The following ZC3H12A variants were observed in gnomAD, a reference collection of about 807,000 sequenced individuals.
The protein encoded by ZC3H12A is zinc finger CCCH-type containing 12A, also known as endoribonuclease ZC3H12A.
In ZC3H12A, 9 loss-of-function variants were observed where a neutral mutation model predicts 29.9. That is an observed-to-expected ratio of 0.30 (90% CI 0.18 to 0.53). ZC3H12A has a LOEUF of 0.53. Ranked by LOEUF, ZC3H12A falls within the 20% of genes least tolerant of loss-of-function variation. The pLI is 0.96. For synonymous variants in ZC3H12A, 323 were observed against 338.1 expected (o/e 0.96, Z 0.49); for missense variants, 617 against 799.0 (o/e 0.77, Z 2.75).
Position 37,483,723 on chromosome 1 carries a change from CAGAG to C in ZC3H12A, c.*113_*116del. 1 of 1,351,332 alleles carries C rather than the reference CAGAG, an allele frequency of 7.4e-7. No homozygotes were observed. 83.7% of individuals were successfully genotyped at this position (1,351,332 alleles called of 1,614,324 possible). ...CCTGAGGCCCACCCCAGAGGCTGGA[CAGAG>C]GGAGGATTCAAGTCGGGAAGGAAAC... On this transcript the variant is annotated 3_prime_UTR_variant, in exon 6 of 6. Coordinates refer to ENST00000373087, the MANE Select transcript of ZC3H12A (RefSeq NM_025079.3).
rs1641592785 is a variant in ZC3H12A, at chr1:37,476,417, G to A, written c.443+478G>A. On this transcript the variant is annotated intron_variant, in intron 2 of 5. Transcript: ENST00000373087. The surrounding 1 kb of genome is among the most constrained non-coding windows in gnomAD (Gnocchi z 6.0). ...GTTATTTCAGGGGCTGGGCTTCTGAGGCCTTCTTGTCTCAGACCTGGGCTC... is the reference window on the plus strand; with the variant it reads ...GTTATTTCAGGGGCTGGGCTTCTGAAGCCTTCTTGTCTCAGACCTGGGCTC... 6.6e-6 allele frequency among the ~76,000 whole-genome samples: 1 copy of A among 152,216 alleles called. No homozygotes were observed. The highest frequency in any genetic ancestry group is 1.9e-4 in the East Asian group (1 of 5,194).
At position 37,476,426 on chromosome 1, in the gene ZC3H12A, G is replaced by T. The variant is rs536006551; in HGVS notation, c.443+487G>T. On this transcript the variant is annotated intron_variant, in intron 2 of 5. Coordinates refer to ENST00000373087, the MANE Select transcript of ZC3H12A (RefSeq NM_025079.3). The surrounding 1 kb of genome is among the most constrained non-coding windows in gnomAD (Gnocchi z 6.0). ...GGGGCTGGGCTTCTGAGGCCTTCTT[G>T]TCTCAGACCTGGGCTCCCACGAAAA... Among the ~76,000 whole-genome samples, 78 of 152,300 alleles carry T rather than the reference G, an allele frequency of 5.1e-4. No individual in the cohort carries two copies. Among genetic ancestry groups the T allele is most frequent in the African/African-American group, 1.8e-3 (75 of 41,538 alleles).
chr1:37,475,663 G>A lies in ZC3H12A; in HGVS notation c.167G>A (p.Arg56Gln), dbSNP rs1286431905. ...LELQMKVDFF[R>Q]KLGYSSTEIH... ...CTGCAGATGAAGGTGGACTTCTTCC[G>A]GAAGCTGGGCTATTCATCCACGGAG... The change falls in exon 2 of 6, where the codon CGG becomes CAG. Residue 56 changes from arginine to glutamine, a missense_variant. Around this residue, in one of 5 missense-constraint regions of ZC3H12A, gnomAD observed 255 missense variants for 402.5 expected, o/e 0.63. Transcript: ENST00000373087. The surrounding 1 kb of genome is among the most constrained non-coding windows in gnomAD (Gnocchi z 5.2). The A allele has an allele frequency of 3.7e-6, 6 of 1,614,024 alleles. No individual in the cohort carries two copies. Among genetic ancestry groups the A allele is most frequent in the Non-Finnish European group, 5.1e-6 (6 of 1,180,048 alleles).
Position 37,483,720 on chromosome 1 carries a change from G to C in ZC3H12A, c.*109G>C. On this transcript the variant is annotated 3_prime_UTR_variant, in exon 6 of 6. Coordinates refer to ENST00000373087, the MANE Select transcript of ZC3H12A (RefSeq NM_025079.3). ...AGCCCTGAGGCCCACCCCAGAGGCT[G>C]GACAGAGGGAGGATTCAAGTCGGGA... is the stretch of plus-strand genomic sequence containing the variant. The C allele has an allele frequency of 7.3e-7, 1 of 1,365,642 alleles. No homozygotes were observed. The highest frequency in any genetic ancestry group is 9.7e-7 in the Non-Finnish European group (1 of 1,029,398). 84.6% of individuals were successfully genotyped at this position (1,365,642 alleles called of 1,614,324 possible). A position where few individuals can be genotyped will look rare whatever the true frequency, so the allele number is the denominator to read the frequency against.
At chr1:37,482,587 T>C in intron 5 of ZC3H12A, 47 bp downstream of exon 5, 1 of 1,609,892 alleles carries the variant, frequency 6.2e-7, no homozygotes, top group Non-Finnish European at 8.5e-7. Flanking sequence ...CTCCTGCCCT[T>C]CCTCTCACCT....
At chr1:37,481,979 G>A (rs1335858010) in intron 4 of ZC3H12A, 144 bp downstream of exon 4, 4 of 771,444 alleles carry the variant, frequency 5.2e-6, no homozygotes, top group Admixed American at 4.7e-5. Context: ...AGGCAGCTTT[G>A]AGAGTGAGAC....
chr1:37,476,075 G>GA lies in ZC3H12A; in HGVS notation c.443+137dup. 1 of 977,116 alleles carries GA rather than the reference G, an allele frequency of 1.0e-6. No individual in the cohort carries two copies. The highest frequency in any genetic ancestry group is 1.6e-5 in the African/African-American group (1 of 61,082). The allele number at this position is 977,116 out of a possible 1,614,324, so 60.5% of individuals were successfully genotyped here. A position where few individuals can be genotyped will look rare whatever the true frequency, so the allele number is the denominator to read the frequency against. On this transcript the variant is annotated intron_variant, in intron 2 of 5. Transcript: ENST00000373087. This position sits in a 1 kb window ranked among gnomAD's most constrained non-coding sequence, Gnocchi z 6.0. ...TCCTTCTTAGGGACTGGTCTAGAGG[G>GA]AGGGAAAGCCTTTTATGAGGCTAGG...
rs975727086 is a variant in ZC3H12A at position 37,479,299 on chromosome 1, G to A, written c.444-991G>A. On this transcript the variant is annotated intron_variant, in intron 2 of 5. Transcript: ENST00000373087. This position sits in a 1 kb window ranked among gnomAD's most constrained non-coding sequence, Gnocchi z 4.5. Reference sequence around the variant, plus strand: ...TACTTTGCAGGGCCATCTTTGGCCTGAAGCCACCAGGAAAGCTGTCCCACT... The same window carrying A: ...TACTTTGCAGGGCCATCTTTGGCCTAAAGCCACCAGGAAAGCTGTCCCACT... 3 of 985,380 alleles carry A rather than the reference G, an allele frequency of 3.0e-6. No individual in the cohort carries two copies. The South Asian group carries it at 1.4e-4, about 46-fold the overall frequency. 61.0% of individuals were successfully genotyped at this position (985,380 alleles called of 1,614,324 possible).
intron 4 of ZC3H12A, 43 bp from the exon 5 acceptor site, chr1:37,482,391 T>C (rs1464346102): frequency 1.9e-6 from 3 of 1,544,356 alleles, no homozygotes; most frequent in African/African-American, 1.4e-5. Context: ...TAGAAGTCCC[T>C]GCATGGCTCC....
chr1:37,480,648 A>C (rs1343401827), intron 3 of ZC3H12A, among the ~76,000 whole-genome samples: 2 of 152,212 alleles, frequency 1.3e-5, no homozygotes, highest in African/African-American at 4.8e-5. Flanking sequence ...CCCCTCCCTC[A>C]TCCTACTGGT....
At position 37,479,519 on chromosome 1, in the gene ZC3H12A, C is replaced by T. The variant is rs1287300729; in HGVS notation, c.444-771C>T. On this transcript the variant is annotated intron_variant, in intron 2 of 5. Coordinates refer to ENST00000373087, the MANE Select transcript of ZC3H12A (RefSeq NM_025079.3). The surrounding 1 kb of genome is among the most constrained non-coding windows in gnomAD (Gnocchi z 4.5). The stretch of plus-strand genomic sequence containing the variant: ...GTCCTTGCTAAGAGTCCCCTAGCAT[C>T]TTCCTGATGGTCTTTCTGCCTTGGG... 1.0e-6 allele frequency: 1 copy of T among 985,438 alleles called. No individual in the cohort carries two copies. The highest frequency in any genetic ancestry group is 1.1e-4 in the East Asian group (1 of 8,814). 61.0% of individuals were successfully genotyped at this position (985,438 alleles called of 1,614,324 possible).
chr1:37,482,342 C>A, intron 4 of ZC3H12A, 92 bp from the exon 5 acceptor site: 2 of 1,141,462 alleles, frequency 1.8e-6, no homozygotes, highest in Non-Finnish European at 2.5e-6. Flanking sequence ...CTCTCCTATT[C>A]TTCCCAGCAA....
At chr1:37,474,729 G>T in intron 1 of ZC3H12A, 100 bp downstream of exon 1, 1 of 152,652 alleles carries the variant, frequency 6.6e-6, no homozygotes, top group Non-Finnish European at 1.5e-5. Flanking sequence ...GGGAGGGGAC[G>T]GGAGGGGTGG....
chr1:37,480,021 A>G, intron 2 of ZC3H12A: 1 of 1,186,352 alleles, frequency 8.4e-7, no homozygotes. Context: ...AGCCTCAGGG[A>G]AAGTCCCAGC....
At position 37,483,887 on chromosome 1, in the gene ZC3H12A, G is replaced by A. The variant is rs1172655911; in HGVS notation, c.*276G>A. The A allele has an allele frequency of 2.4e-5, 10 of 420,518 alleles. No homozygotes were observed. In the East Asian group the frequency reaches 3.0e-4, roughly 13 times the overall value. 26.0% of individuals were successfully genotyped at this position (420,518 alleles called of 1,614,324 possible). A position where few individuals can be genotyped will look rare whatever the true frequency, so the allele number is the denominator to read the frequency against. The stretch of plus-strand genomic sequence containing the variant: ...AGTTTAAGGAGACGCTGCCGGTAAC[G>A]GCGTCGGTCCGTGGCTGAGGCCCAA... On this transcript the variant is annotated 3_prime_UTR_variant, in exon 6 of 6. Transcript: ENST00000373087.
At chr1:37,482,577 C>T (rs974257275) in intron 5 of ZC3H12A, 37 bp downstream of exon 5, 1 of 1,611,280 alleles carries the variant, frequency 6.2e-7, no homozygotes, top group African/African-American at 1.3e-5. Context: ...GCCCTCCTCA[C>T]TCCTGCCCTT....
rs887847794 is a variant in ZC3H12A at position 37,478,807 on chromosome 1, A to C, written c.444-1483A>C. On this transcript the variant is annotated intron_variant, in intron 2 of 5. Transcript: ENST00000373087. The surrounding 1 kb of genome is among the most constrained non-coding windows in gnomAD (Gnocchi z 5.2). ...TGATGATTCAGTGTTAGACACTTATAACAGGGCCTGGTTCACAGCTCTCAG... is the reference window on the plus strand; with the variant it reads ...TGATGATTCAGTGTTAGACACTTATCACAGGGCCTGGTTCACAGCTCTCAG... The C allele has an allele frequency of 4.1e-6, 4 of 981,566 alleles. No individual in the cohort carries two copies. The highest frequency in any genetic ancestry group is 4.8e-6 in the Non-Finnish European group (4 of 826,554). 60.8% of individuals were successfully genotyped at this position (981,566 alleles called of 1,614,324 possible). A position where few individuals can be genotyped will look rare whatever the true frequency, so the allele number is the denominator to read the frequency against.
In ZC3H12A at chr1:37,475,040, C is replaced by A. The variant is rs549462725; in HGVS notation, c.-39+411C>A. Among the ~76,000 whole-genome samples the A allele has an allele frequency of 1.0e-3, 158 of 152,308 alleles. 1 individual carries two copies. The highest frequency in any genetic ancestry group is 2.1e-3 in the Non-Finnish European group (140 of 68,020). ...CTGGGCCTGAGCTCTGAGTGCCGGA[C>A]GGGTGGGCGAAAGTGGTGGCCTCAG... On this transcript the variant is annotated intron_variant, in intron 1 of 5. Transcript: ENST00000373087. This position sits in a 1 kb window ranked among gnomAD's most constrained non-coding sequence, Gnocchi z 5.2.
intron 3 of ZC3H12A, among the ~76,000 whole-genome samples, 173 bp from the exon 4 acceptor site, chr1:37,481,428 C>T (rs1165978999): frequency 1.3e-5 from 2 of 152,238 alleles, no homozygotes; most frequent in Admixed American, 6.5e-5. Flanking sequence ...GCAAACTGTG[C>T]CACGCCAAGG....
Sources: allele counts gnomAD v4.1 joint callset (sites outside exome capture counted in the v4.1 genomes callset), GRCh38; gene constraint gnomAD v4.1.1; regional missense constraint gnomAD v4.1.1; non-coding constraint Gnocchi (gnomAD v3.1); transcripts MANE v1.5; gene names NCBI Gene and HGNC (gene_info 2026-07-23, HGNC 2026-07-21).